CTNNA3: variants seen among roughly 807,000 people sequenced by gnomAD.
The protein encoded by CTNNA3 is catenin alpha-3.
Under a neutral mutation model 95.7 loss-of-function variants are expected in CTNNA3, and 76 were observed. The ratio of observed to expected loss-of-function variants is 0.79; its 90% CI spans 0.66 to 0.96. The LOEUF is 0.96. CTNNA3 is among the 40% of genes least tolerant of loss of function. The pLI is 0.00. For missense variants in CTNNA3, 1,191 were observed against 1,089.8 expected, an observed-to-expected ratio of 1.09 and a Z score of -1.31; for synonymous variants, 431 against 374.4, an observed-to-expected ratio of 1.15 and a Z score of -1.74.
intron 5 of CTNNA3, among the ~76,000 whole-genome samples, chr10:67,425,697 T>C (rs921431555): frequency 6.6e-6 from 1 of 152,188 alleles, no homozygotes; most frequent in Middle Eastern, 3.4e-3. Context: ...ATCTCGAAGC[T>C]GATATCACTC....
chr10:66,697,953 C>T (rs1847824210), intron 9 of CTNNA3, among the ~76,000 whole-genome samples: 1 of 152,078 alleles, frequency 6.6e-6, no homozygotes, highest in African/African-American at 2.4e-5. Context: ...TCTTTTAGAA[C>T]ATAACTCATT....
intron 11 of CTNNA3, among the ~76,000 whole-genome samples, chr10:66,398,040 TA>T (rs2092992915): frequency 6.6e-6 from 1 of 151,910 alleles, no homozygotes; most frequent in Non-Finnish European, 1.5e-5. Context: ...ACTAGAGTAA[TA>T]TTTATATAAA....
chr10:67,268,329 T>A (rs548195095), intron 5 of CTNNA3, among the ~76,000 whole-genome samples: 3 of 149,344 alleles, frequency 2.0e-5, no homozygotes, highest in Admixed American at 1.3e-4. Context: ...TAAATTAAAT[T>A]AAATTAAATT....
chr10:67,230,419 A>C (rs1865134750), intron 5 of CTNNA3, among the ~76,000 whole-genome samples: 1 of 152,224 alleles, frequency 6.6e-6, no homozygotes, highest in Non-Finnish European at 1.5e-5. Flanking sequence ...AGAACCCAAA[A>C]GCAAATACAA....
rs73310666 is a variant in CTNNA3, at chr10:66,848,126, G to T, written c.1048-72602C>A. Among the ~76,000 whole-genome samples, 303 of 152,224 alleles carry T rather than the reference G, an allele frequency of 2.0e-3. 1 individual carries two copies. Among genetic ancestry groups the T allele is most frequent in the African/African-American group, 6.6e-3 (274 of 41,568 alleles). The stretch of plus-strand genomic sequence containing the variant: ...GATTATCATGGATGAGATTAGGGTA[G>T]ATATATTTAAAAGCCAAATGAAAGA... On this transcript the variant is annotated intron_variant, in intron 7 of 17. Coordinates refer to ENST00000433211, the MANE Select transcript of CTNNA3 (RefSeq NM_013266.4).
chr10:66,105,537 A>T (rs1229817970), intron 13 of CTNNA3, among the ~76,000 whole-genome samples: 1 of 152,168 alleles, frequency 6.6e-6, no homozygotes, highest in Non-Finnish European at 1.5e-5. Context: ...ATCCACTCCT[A>T]TAGTTTATTC....
chr10:66,416,334 T>G (rs955546748), intron 11 of CTNNA3, among the ~76,000 whole-genome samples: 2 of 151,536 alleles, frequency 1.3e-5, no homozygotes, highest in African/African-American at 2.4e-5. Context: ...ATAAAATATA[T>G]AAATTATTGG....
intron 11 of CTNNA3, among the ~76,000 whole-genome samples, chr10:66,476,927 C>G (rs1005843438): frequency 1.3e-5 from 2 of 152,020 alleles, no homozygotes; most frequent in African/African-American, 4.8e-5. Context: ...CCTCCTAAGT[C>G]ACATTCCTTG....
intron 5 of CTNNA3, among the ~76,000 whole-genome samples, chr10:67,303,600 T>A (rs1160746026): frequency 1.3e-5 from 2 of 152,184 alleles, no homozygotes; most frequent in Non-Finnish European, 2.9e-5. Flanking sequence ...GCAAGAATGG[T>A]TTCTCAGGAA....
intron 11 of CTNNA3, among the ~76,000 whole-genome samples, chr10:66,399,766 C>G (rs928683445): frequency 2.0e-5 from 3 of 151,976 alleles, no homozygotes; most frequent in African/African-American, 7.2e-5. Flanking sequence ...ACTGCTTTCT[C>G]TATAACTGGC....
intron 5 of CTNNA3, among the ~76,000 whole-genome samples, chr10:67,340,837 T>A (rs1842156852): frequency 6.6e-6 from 1 of 152,208 alleles, no homozygotes; most frequent in Non-Finnish European, 1.5e-5. Context: ...GAAAAACATC[T>A]AGTGGATATT....
At chr10:67,392,910 G>A (rs1844560980) in intron 5 of CTNNA3, among the ~76,000 whole-genome samples, 1 of 152,122 alleles carries the variant, frequency 6.6e-6, no homozygotes, top group Non-Finnish European at 1.5e-5. Flanking sequence ...CTGTTGTGGG[G>A]TGGGGGGAAG....
At chr10:67,037,764 T>C (rs1334208205) in intron 7 of CTNNA3, among the ~76,000 whole-genome samples, 1 of 152,144 alleles carries the variant, frequency 6.6e-6, no homozygotes, top group Non-Finnish European at 1.5e-5. Flanking sequence ...TAACTCCCAA[T>C]TTTTAACTTG....
chr10:66,772,926 A>G (rs1840152842), intron 8 of CTNNA3, among the ~76,000 whole-genome samples: 1 of 152,252 alleles, frequency 6.6e-6, no homozygotes, highest in African/African-American at 2.4e-5. Flanking sequence ...AACGATGAAC[A>G]TTAAATACTC....
rs78339237 is a variant in CTNNA3 at position 67,261,561 on chromosome 10, T to C, written c.580-41691A>G. Among the ~76,000 whole-genome samples, 2,377 of 152,252 alleles carry C rather than the reference T, an allele frequency of 0.016. 188 individuals carry two copies. The East Asian group carries it at 0.26, about 16-fold the overall frequency. The stretch of plus-strand genomic sequence containing the variant: ...GAGTAAGGAGGAAACAGAGGTATGC[T>C]TTCTCATTAATTCTGGCTTAGAACT... On this transcript the variant is annotated intron_variant, in intron 5 of 17. Coordinates refer to ENST00000433211, the MANE Select transcript of CTNNA3 (RefSeq NM_013266.4).
chr10:66,995,028 A>G (rs976370154), intron 7 of CTNNA3, among the ~76,000 whole-genome samples: 1 of 152,140 alleles, frequency 6.6e-6, no homozygotes, highest in African/African-American at 2.4e-5. Context: ...TCTCATTCCA[A>G]GTATATGCTA....
In CTNNA3 at chr10:67,109,506, G is replaced by C. The variant is rs561744386; in HGVS notation, c.1047+70811C>G. Among the ~76,000 whole-genome samples, 7 of 152,292 alleles carry C rather than the reference G, an allele frequency of 4.6e-5. No homozygotes were observed. The East Asian group carries it at 1.3e-3, about 29-fold the overall frequency. ...TAAGATGAACCAAAGTAGTATTAGT[G>C]AATTCAGCAACCAGTTCAAGGCATA... On this transcript the variant is annotated intron_variant, in intron 7 of 17. Coordinates refer to ENST00000433211, the MANE Select transcript of CTNNA3 (RefSeq NM_013266.4).
At chr10:66,807,846 A>G (rs1235670709) in intron 7 of CTNNA3, among the ~76,000 whole-genome samples, 1 of 152,124 alleles carries the variant, frequency 6.6e-6, no homozygotes, top group African/African-American at 2.4e-5. Flanking sequence ...GCATTTTTTA[A>G]TAAGAGCTAT....
At chr10:65,989,522 G>T (rs1257608149) in intron 15 of CTNNA3, among the ~76,000 whole-genome samples, 1 of 151,884 alleles carries the variant, frequency 6.6e-6, no homozygotes, top group Non-Finnish European at 1.5e-5. Flanking sequence ...TTTATCAGCA[G>T]GCCTACTTTT....
Sources: gnomAD v4.1 joint callset for allele counts (sites outside exome capture counted in the v4.1 genomes callset) on GRCh38, gnomAD v4.1.1 for gene constraint, MANE v1.5 for transcripts, NCBI Gene and HGNC (gene_info 2026-07-23, HGNC 2026-07-21) for gene names.